AP2B1: variants seen among roughly 807,000 people sequenced by gnomAD.
AP2B1 encodes AP-2 complex subunit beta.
Under a neutral mutation model 102.0 loss-of-function variants are expected in AP2B1, and 23 were observed. The ratio of observed to expected loss-of-function variants is 0.23; its 90% CI spans 0.16 to 0.32. The LOEUF (loss-of-function observed/expected upper bound fraction) is 0.32, where lower values mean the gene tolerates loss of function less well. Ranked by LOEUF, AP2B1 falls within the 10% of genes least tolerant of loss-of-function variation. The pLI is 1.00. For synonymous variants in AP2B1, 381 were observed against 421.2 expected (o/e 0.90, Z 1.17); for missense variants, 541 against 1,157.4 (o/e 0.47, Z 7.73).
chr17:35,662,532 G>GTTTTTT (rs34547701), intron 14 of AP2B1, among the ~76,000 whole-genome samples: 11 of 110,098 alleles, frequency 1.0e-4, no homozygotes, highest in African/African-American at 1.7e-4. Context: ...GTTTGGGTTT[G>GTTTTTT]TTTTTTTTTT....
At chr17:35,698,370 C>T (rs753759259) in intron 18 of AP2B1, among the ~76,000 whole-genome samples, 2 of 152,062 alleles carry the variant, frequency 1.3e-5, no homozygotes, top group East Asian at 1.9e-4. Context: ...AGTGCAGTGG[C>T]GTGATCACAG....
At chr17:35,686,057 C>T (rs955622411) in intron 18 of AP2B1, among the ~76,000 whole-genome samples, 55 of 152,150 alleles carry the variant, frequency 3.6e-4, no homozygotes, top group African/African-American at 1.2e-3. Flanking sequence ...GCTGCCATGC[C>T]CTGCCTATTC....
chr17:35,658,505 A>T (rs2075285608), intron 14 of AP2B1, among the ~76,000 whole-genome samples: 1 of 152,138 alleles, frequency 6.6e-6, no homozygotes, highest in Non-Finnish European at 1.5e-5. Flanking sequence ...AGATAAATGA[A>T]TTTTAAGGGT....
At chr17:35,719,220 G>C (rs763372284) in intron 21 of AP2B1, among the ~76,000 whole-genome samples, 30 of 151,952 alleles carry the variant, frequency 2.0e-4, no homozygotes, top group Non-Finnish European at 4.1e-4. Context: ...CTAAACTATA[G>C]ACATTATTCT....
At chr17:35,644,921 A>G (rs1222073213) in intron 12 of AP2B1, among the ~76,000 whole-genome samples, 2 of 152,022 alleles carry the variant, frequency 1.3e-5, no homozygotes, top group Admixed American at 6.6e-5. Flanking sequence ...AATCCCAGCT[A>G]CTTGGGAGGT....
At chr17:35,712,468 A>G (rs879954888) in intron 20 of AP2B1, among the ~76,000 whole-genome samples, 16 of 152,158 alleles carry the variant, frequency 1.1e-4, no homozygotes, top group South Asian at 6.2e-4. Context: ...CTCTACTAAA[A>G]ATACAAAAAA....
intron 18 of AP2B1, among the ~76,000 whole-genome samples, chr17:35,683,832 A>G (rs1371179324): frequency 6.6e-6 from 1 of 152,216 alleles, no homozygotes; most frequent in Non-Finnish European, 1.5e-5. Context: ...TGCATAAAGC[A>G]GAGACCCTGG....
intron 12 of AP2B1, among the ~76,000 whole-genome samples, chr17:35,646,718 A>T (rs1349017771): frequency 6.6e-6 from 1 of 151,384 alleles, no homozygotes; most frequent in Non-Finnish European, 1.5e-5. Flanking sequence ...CCTCCCAAGT[A>T]GCTGGGATTA....
intron 2 of AP2B1, among the ~76,000 whole-genome samples, chr17:35,596,594 C>A (rs2073285242): frequency 6.6e-6 from 1 of 151,958 alleles, no homozygotes; most frequent in Admixed American, 6.6e-5. Flanking sequence ...CCGCGCCTGC[C>A]AGGCCCGGCG....
chr17:35,657,909 T>A, intron 14 of AP2B1, 118 bp downstream of exon 14: 1 of 847,358 alleles, frequency 1.2e-6, no homozygotes, highest in Non-Finnish European at 1.8e-6. Context: ...TAGTGTCCTT[T>A]GATAAAGGAC....
rs1227491338 is a variant in AP2B1 at position 35,637,662 on chromosome 17, C to T, written c.1271+1206C>T. 4.0e-5 allele frequency among the ~76,000 whole-genome samples: 6 copies of T among 150,628 alleles called. No individual in the cohort carries two copies. In the Admixed American group the frequency reaches 4.0e-4, roughly 10 times the overall value. On this transcript the variant is annotated intron_variant, in intron 10 of 21. Transcript: ENST00000610402. Reference sequence around the variant, plus strand: ...GAGAACCACATACTTTTACTACTCTCCCAATAAAGAAGAGGGTCGGTTTCT... The same window carrying T: ...GAGAACCACATACTTTTACTACTCTTCCAATAAAGAAGAGGGTCGGTTTCT...
chr17:35,641,301 G>A (rs951147873), intron 11 of AP2B1, among the ~76,000 whole-genome samples: 2 of 152,146 alleles, frequency 1.3e-5, no homozygotes, highest in Admixed American at 1.3e-4. Context: ...AGCCAGGCTC[G>A]GTTACTCATG....
intron 20 of AP2B1, among the ~76,000 whole-genome samples, chr17:35,713,286 A>G (rs2076487765): frequency 1.3e-5 from 2 of 152,244 alleles, no homozygotes; most frequent in Non-Finnish European, 2.9e-5. Context: ...CTCTGTGGCC[A>G]TGCCGCACAT....
intron 15 of AP2B1, 78 bp from the exon 16 acceptor site, chr17:35,671,676 A>C: frequency 7.1e-7 from 1 of 1,411,696 alleles, no homozygotes; most frequent in Non-Finnish European, 9.8e-7. Flanking sequence ...CAAAACTACT[A>C]AGATATATAG....
At chr17:35,662,094 G>T (rs1196919971) in intron 14 of AP2B1, among the ~76,000 whole-genome samples, 2 of 152,178 alleles carry the variant, frequency 1.3e-5, no homozygotes, top group Non-Finnish European at 2.9e-5. Flanking sequence ...CTTTAAAGAG[G>T]AGTAGGGTGG....
At chr17:35,590,606 T>C (rs2142274302) in intron 1 of AP2B1, among the ~76,000 whole-genome samples, 2 of 152,360 alleles carry the variant, frequency 1.3e-5, no homozygotes, top group Middle Eastern at 6.8e-3. Flanking sequence ...ACAATATGGT[T>C]ACTAGAGTGA....
chr17:35,682,181 G>A (rs1474482464), intron 17 of AP2B1, among the ~76,000 whole-genome samples: 11 of 151,662 alleles, frequency 7.3e-5, no homozygotes, highest in Non-Finnish European at 1.5e-4. Context: ...CTTAAACCTG[G>A]AAGTTGAGGG....
intron 3 of AP2B1, among the ~76,000 whole-genome samples, chr17:35,600,696 G>A (rs2073449619): frequency 6.6e-6 from 1 of 152,074 alleles, no homozygotes. Flanking sequence ...GTTATGAAAT[G>A]GGTTTATTCT....
chr17:35,703,918 A>G (rs1453339851), intron 18 of AP2B1, among the ~76,000 whole-genome samples: 2 of 152,330 alleles, frequency 1.3e-5, no homozygotes, highest in Non-Finnish European at 1.5e-5. Flanking sequence ...ATATGTGATC[A>G]TTGATTTCCC....
Sources: allele counts gnomAD v4.1 joint callset (sites outside exome capture counted in the v4.1 genomes callset), GRCh38; gene constraint gnomAD v4.1.1; transcripts MANE v1.5; gene names NCBI Gene and HGNC (gene_info 2026-07-23, HGNC 2026-07-21).